SRSF7: variants seen among roughly 807,000 people sequenced by gnomAD.
SRSF7 encodes the protein serine and arginine rich splicing factor 7, also known as serine/arginine-rich splicing factor 7.
SRSF7 carries 15 observed loss-of-function variants against 42.2 expected under a neutral mutation model. That is an observed-to-expected ratio of 0.36 (90% CI 0.24 to 0.55). The LOEUF is 0.55. SRSF7 is among the 20% of genes least tolerant of loss of function. SRSF7 has a pLI of 0.88. For synonymous variants in SRSF7, 138 were observed against 107.9 expected, an observed-to-expected ratio of 1.28 and a Z score of -1.73; for missense variants, 181 against 305.9, an observed-to-expected ratio of 0.59 and a Z score of 3.04.
chr2:38,748,210 G>A (rs562403715), intron 4 of SRSF7, 53 bp from the exon 5 acceptor site: 4 of 1,346,852 alleles, frequency 3.0e-6, no homozygotes, highest in Non-Finnish European at 4.2e-6. Context: ...TTTTTGGCCT[G>A]TTAAGACTTC....
intron 5 of SRSF7, chr2:38,747,193 C>G (rs1000687535): frequency 2.4e-6 from 1 of 411,308 alleles, no homozygotes; most frequent in South Asian, 1.7e-5. Flanking sequence ...TAAGGCCAGA[C>G]GAAAAGAAAG....
In SRSF7 at chr2:38,749,517, T is replaced by G. The variant is rs760809667; in HGVS notation, c.386+12A>C. 6 of 1,518,636 alleles carry G rather than the reference T, an allele frequency of 4.0e-6. No homozygotes were observed. The highest frequency in any genetic ancestry group is 1.4e-5 in the African/African-American group (1 of 71,924). The allele number at this position is 1,518,636 out of a possible 1,614,324, so 94.1% of individuals were successfully genotyped here. On this transcript the variant is annotated intron_variant, in intron 3 of 7. Transcript: ENST00000313117. The stretch of plus-strand genomic sequence containing the variant: ...ACTAGAATACCAACCATTCCTTTAT[T>G]AAAATAAATACCTGCTTCTTCTTCG...
In SRSF7 at chr2:38,751,270, C is replaced by A; in HGVS notation, c.-14G>T. On this transcript the variant is annotated 5_prime_UTR_variant, in exon 1 of 8. Transcript: ENST00000313117. ...GTAACGCGACATGATGACAGACCCG[C>A]GTGCTCGGCTCTTTAGCAAGCAGCG... The A allele has an allele frequency of 6.2e-7, 1 of 1,614,186 alleles. No homozygotes were observed. The highest frequency in any genetic ancestry group is 8.5e-7 in the Non-Finnish European group (1 of 1,180,010).
intron 1 of SRSF7, among the ~76,000 whole-genome samples, chr2:38,750,432 C>T (rs1480791019): frequency 6.6e-6 from 1 of 151,918 alleles, no homozygotes; most frequent in Non-Finnish European, 1.5e-5. Context: ...CGAACACAAG[C>T]AGAAACGCGT....
At chr2:38,750,883 C>T (rs1273558440) in intron 1 of SRSF7, 3 of 322,736 alleles carry the variant, frequency 9.3e-6, no homozygotes, top group East Asian at 7.0e-5. Context: ...TGCGCCACCA[C>T]GGTCCTCAAT....
In SRSF7 at chr2:38,749,595, T is replaced by C; in HGVS notation, c.320A>G (p.Tyr107Cys). 6.2e-7 allele frequency: 1 copy of C among 1,605,410 alleles called. No individual in the cohort carries two copies. The highest frequency in any genetic ancestry group is 8.5e-7 in the Non-Finnish European group (1 of 1,177,910). The change falls in exon 3 of 8, where the codon TAT (tyrosine) becomes TGT (cysteine). Residue 107 changes from tyrosine to cysteine, a missense_variant. Physicochemically the swap from Tyr to Cys is radical, Grantham distance 194. Around this residue, in one of 2 missense-constraint regions of SRSF7, gnomAD observed 45 missense variants for 158.1 expected, o/e 0.28. Coordinates refer to ENST00000313117, the MANE Select transcript of SRSF7 (RefSeq NM_001031684.3). ...RRPFDPNDRCYECGEKGHYAY... is the reference protein window; with the variant it reads ...RRPFDPNDRCCECGEKGHYAY... ...ATAATGTCCCTTTTCGCCACACTCA[T>C]AGCATCTATCATTTGGATCAAAGGG...
In SRSF7 at chr2:38,748,664, A is replaced by G; in HGVS notation, c.387-11T>C. On this transcript the variant is annotated splice_polypyrimidine_tract_variant and intron_variant, in intron 3 of 7. Coordinates refer to ENST00000313117, the MANE Select transcript of SRSF7 (RefSeq NM_001031684.3). ...GATCTAGACCGTGACCTATTTTTCA[A>G]GTTAGAGAAAAAACAAAATGTCAGA... The G allele has an allele frequency of 2.5e-6, 4 of 1,613,756 alleles. No homozygotes were observed. Among genetic ancestry groups the G allele is most frequent in the Non-Finnish European group, 3.4e-6 (4 of 1,179,676 alleles).
Position 38,746,713 on chromosome 2 carries a change from T to C in SRSF7, c.607A>G (p.Ile203Val). The change falls in exon 6 of 8, where the codon ATT (isoleucine) becomes GTT (valine). Residue 203 changes from isoleucine (I) to valine (V), a missense_variant. Transcript: ENST00000313117. Reference protein sequence around the residue: ...PSRSRSRSRSISRPRSSRSKS... With the variant: ...PSRSRSRSRSVSRPRSSRSKS... ...CCCTACCTGCTTCTTGGTCGTGAAA[T>C]AGACCTGGATCTTGATCTTGACCTC... 1.1e-5 allele frequency: 18 copies of C among 1,613,616 alleles called. No homozygotes were observed. The highest frequency in any genetic ancestry group is 2.2e-5 in the South Asian group (2 of 90,938).
At position 38,746,677 on chromosome 2, in the gene SRSF7, T is replaced by G; in HGVS notation, c.626+17A>C. 1 of 1,612,868 alleles carries G rather than the reference T, an allele frequency of 6.2e-7. No homozygotes were observed. The highest frequency in any genetic ancestry group is 8.5e-7 in the Non-Finnish European group (1 of 1,179,680). ...GTGCCATATAACTAGAAAAGCATAA[T>G]CAAATTTTTACCCTACCTGCTTCTT... is the stretch of plus-strand genomic sequence containing the variant. On this transcript the variant is annotated intron_variant, in intron 6 of 7. Coordinates refer to ENST00000313117, the MANE Select transcript of SRSF7 (RefSeq NM_001031684.3).
At chr2:38,746,793 G>A (rs773573106) in intron 5 of SRSF7, 46 bp from the exon 6 acceptor site, 2 of 1,607,930 alleles carry the variant, frequency 1.2e-6, no homozygotes, top group African/African-American at 1.3e-5. Context: ...TCAGTCCAAA[G>A]GAATTTCCTT....
At chr2:38,748,951 G>A in intron 3 of SRSF7, 2 of 1,316,894 alleles carry the variant, frequency 1.5e-6, no homozygotes, top group Non-Finnish European at 2.0e-6. Context: ...AGATCTAGAC[G>A]ATCTAGAAGT....
chr2:38,748,711 T>TTG, intron 3 of SRSF7, 58 bp from the exon 4 acceptor site: 1 of 1,528,966 alleles, frequency 6.5e-7, no homozygotes, highest in Non-Finnish European at 9.1e-7. Flanking sequence ...TTTTAAGAGT[T>TTG]TGTGTGCCTC....
At position 38,744,646 on chromosome 2, in the gene SRSF7, C is replaced by A; in HGVS notation, c.*487G>T. ...CGGATTAGCTAACTTAAGGATCTGT[C>A]ATGATGCATTCAGGCTGTATCATAA... is the stretch of plus-strand genomic sequence containing the variant. On this transcript the variant is annotated 3_prime_UTR_variant, in exon 8 of 8. Coordinates refer to ENST00000313117, the MANE Select transcript of SRSF7 (RefSeq NM_001031684.3). The A allele has an allele frequency of 6.4e-6, 1 of 156,950 alleles. No homozygotes were observed. Among genetic ancestry groups the A allele is most frequent in the African/African-American group, 2.4e-5 (1 of 41,468 alleles). The allele number at this position is 156,950 out of a possible 1,614,324, so 9.7% of individuals were successfully genotyped here.
At position 38,744,136 on chromosome 2, in the gene SRSF7, A is replaced by T; in HGVS notation, c.*997T>A. 6.6e-6 allele frequency: 1 copy of T among 152,600 alleles called. No individual in the cohort carries two copies. The highest frequency in any genetic ancestry group is 1.5e-5 in the Non-Finnish European group (1 of 68,032). 9.5% of individuals were successfully genotyped at this position (152,600 alleles called of 1,614,324 possible). ...CACTTTAGTCTCATTGACATTTCTG[A>T]TTGACATCTTTAATTACTTTGCACC... On this transcript the variant is annotated 3_prime_UTR_variant, in exon 8 of 8. Coordinates refer to ENST00000313117, the MANE Select transcript of SRSF7 (RefSeq NM_001031684.3).
At chr2:38,751,446 A>G (rs1351787215), upstream of SRSF7, 5 of 728,420 alleles carry the variant, frequency 6.9e-6, no homozygotes, top group East Asian at 2.8e-5. Flanking sequence ...GGCACAAAGG[A>G]GCTGGGCGGA....
intron 5 of SRSF7, among the ~76,000 whole-genome samples, chr2:38,747,525 G>A (rs936369741): frequency 6.6e-6 from 1 of 151,750 alleles, no homozygotes; most frequent in African/African-American, 2.4e-5. Context: ...TCTACAAATA[G>A]TAAAGCTCTG....
rs370157125 is a variant in SRSF7 at position 38,750,214 on chromosome 2, G to A, written c.29-20C>T. 4.4e-6 allele frequency: 7 copies of A among 1,580,698 alleles called. No homozygotes were observed. Among genetic ancestry groups the A allele is most frequent in the South Asian group, 2.3e-5 (2 of 86,052 alleles). The stretch of plus-strand genomic sequence containing the variant: ...TGGTTTCTGTTTAAAAACGCAAATA[G>A]AAGAATGCACGTTACGCAAAATCTG... On this transcript the variant is annotated intron_variant, in intron 1 of 7. Transcript: ENST00000313117.
intron 5 of SRSF7, 156 bp from the exon 6 acceptor site, chr2:38,746,903 G>T: frequency 7.7e-7 from 1 of 1,301,994 alleles, no homozygotes; most frequent in Non-Finnish European, 1.0e-6. Context: ...GTCAAACAAA[G>T]TGTTACCAGA....
chr2:38,751,100 G>T, intron 1 of SRSF7, 129 bp downstream of exon 1: 1 of 1,263,432 alleles, frequency 7.9e-7, no homozygotes, highest in Non-Finnish European at 1.2e-6. Context: ...CTCCGGCTTC[G>T]TCTGGCGTGC....
Sources: allele counts gnomAD v4.1 joint callset (sites outside exome capture counted in the v4.1 genomes callset), GRCh38; gene constraint gnomAD v4.1.1; regional missense constraint gnomAD v4.1.1; transcripts MANE v1.5; gene names NCBI Gene and HGNC (gene_info 2026-07-23, HGNC 2026-07-21).